UPB1: variants seen among roughly 807,000 people sequenced by gnomAD.
UPB1 encodes the protein beta-ureidopropionase.
UPB1 carries 40 observed loss-of-function variants against 49.1 expected under a neutral mutation model. That is an observed-to-expected ratio of 0.81 (90% CI 0.63 to 1.06). UPB1 has a LOEUF of 1.06. Among genes scored for constraint, UPB1 ranks in the 50% least tolerant of loss-of-function variants. UPB1 has a pLI of 0.00. For missense variants in UPB1, 499 were observed against 505.9 expected (o/e 0.99, Z 0.13); for synonymous variants, 207 against 198.2 (o/e 1.04, Z -0.38).
At chr22:24,520,092 A>G in intron 6 of UPB1, 1 of 480,764 alleles carries the variant, frequency 2.1e-6, no homozygotes, top group Non-Finnish European at 3.8e-6. Context: ...CAGGGCTGCT[A>G]ATTCTTCTGA....
rs577588509 is a variant in UPB1 at position 24,505,782 on chromosome 22, A to G, written c.364+3569A>G. On this transcript the variant is annotated intron_variant, in intron 3 of 9. Transcript: ENST00000326010. ...GGCTGGAGGGCAGTGGCGCGATCTC[A>G]GCTCACTGCAACCTCTGCCTCCTGG... Among the ~76,000 whole-genome samples the G allele has an allele frequency of 2.6e-5, 4 of 152,060 alleles. No individual in the cohort carries two copies. The East Asian group carries it at 5.8e-4, about 22-fold the overall frequency.
intron 4 of UPB1, among the ~76,000 whole-genome samples, chr22:24,511,619 T>TATATATA (rs140327): frequency 7.4e-5 from 7 of 95,176 alleles, no homozygotes; most frequent in African/African-American, 2.6e-4. Flanking sequence ...TATATATATA[T>TATATATA]TTTTTTTTTT....
At chr22:24,520,535 C>T (rs2044371172) in intron 7 of UPB1, 67 bp downstream of exon 7, 4 of 1,550,014 alleles carry the variant, frequency 2.6e-6, no homozygotes, top group Admixed American at 3.6e-5. Flanking sequence ...ACACCCCGTT[C>T]CCTCTGCACA....
chr22:24,522,575 G>A lies in UPB1; in HGVS notation c.916+547G>A, dbSNP rs1185104803. Among the ~76,000 whole-genome samples, 7 of 152,120 alleles carry A rather than the reference G, an allele frequency of 4.6e-5. No individual in the cohort carries two copies. The South Asian group carries it at 1.2e-3, about 27-fold the overall frequency. On this transcript the variant is annotated intron_variant, in intron 8 of 9. Coordinates refer to ENST00000326010, the MANE Select transcript of UPB1 (RefSeq NM_016327.3). ...GGTAGGGACTGCCCCCCTCACCAAG[G>A]AGGTATCTGAACCTTGGTGAGGTAG...
At chr22:24,516,552 G>A (rs1011084869) in intron 6 of UPB1, 1 of 152,256 alleles carries the variant, frequency 6.6e-6, no homozygotes, top group Non-Finnish European at 1.5e-5. Flanking sequence ...GGAGGTGCTG[G>A]CTTTCACTTT....
rs527497045 is a variant in UPB1 at position 24,505,272 on chromosome 22, C to A, written c.364+3059C>A. On this transcript the variant is annotated intron_variant, in intron 3 of 9. Coordinates refer to ENST00000326010, the MANE Select transcript of UPB1 (RefSeq NM_016327.3). ...TTGTTTTCTCTCTTATTCCAAGAGT[C>A]CTTATTCCAAGTTGGACGCTTTGTT... 5.3e-5 allele frequency among the ~76,000 whole-genome samples: 8 copies of A among 152,254 alleles called. No homozygotes were observed. The South Asian group carries it at 1.7e-3, about 32-fold the overall frequency.
In UPB1 at chr22:24,513,404, A is replaced by C; in HGVS notation, c.540A>C (p.Thr180=). Residue 180 remains threonine (T), a synonymous_variant, in exon 5 of 10, where the codon ACA becomes ACC. Transcript: ENST00000326010. ...AGCATGGGGATGTTTTGTGGAATAC[A>C]GCCGTGGTGATCTCCAATTCCGGAG... is the stretch of plus-strand genomic sequence containing the variant. ...DSEHGDVLWN[T]AVVISNSGAV... 1 of 1,614,246 alleles carries C rather than the reference A, an allele frequency of 6.2e-7. No individual in the cohort carries two copies. The highest frequency in any genetic ancestry group is 8.5e-7 in the Non-Finnish European group (1 of 1,180,040).
chr22:24,501,322 T>G (rs2043991119), intron 2 of UPB1, among the ~76,000 whole-genome samples: 2 of 152,206 alleles, frequency 1.3e-5, no homozygotes, highest in African/African-American at 4.8e-5. Context: ...GTTCCTTTGG[T>G]CTGTCTTTGA....
At position 24,510,856 on chromosome 22, in the gene UPB1, CG is replaced by C. The variant is rs761721158; in HGVS notation, c.459+15del. 2 of 1,613,908 alleles carry C rather than the reference CG, an allele frequency of 1.2e-6. No homozygotes were observed. The highest frequency in any genetic ancestry group is 1.7e-6 in the Non-Finnish European group (2 of 1,179,776). ...ATTCTGTCAGAAGGTAGGACATTAA[CG>C]GTGCCTCTGGCAGCAGCTGCCAAAT... is the stretch of plus-strand genomic sequence containing the variant. On this transcript the variant is annotated intron_variant, in intron 4 of 9. Coordinates refer to ENST00000326010, the MANE Select transcript of UPB1 (RefSeq NM_016327.3).
intron 4 of UPB1, among the ~76,000 whole-genome samples, chr22:24,512,260 A>C (rs1472491610): frequency 6.6e-6 from 1 of 152,176 alleles, no homozygotes; most frequent in Non-Finnish European, 1.5e-5. Flanking sequence ...AGAGTGTGAA[A>C]GAGAGCTGGT....
intron 7 of UPB1, 72 bp downstream of exon 7, chr22:24,520,540 T>A: frequency 2.6e-6 from 4 of 1,532,852 alleles, no homozygotes; most frequent in Non-Finnish European, 3.6e-6. Flanking sequence ...CCGTTCCCTC[T>A]GCACACATGC....
chr22:24,500,378 A>G, intron 2 of UPB1, 100 bp downstream of exon 2: 2 of 1,542,776 alleles, frequency 1.3e-6, no homozygotes, highest in Non-Finnish European at 1.8e-6. Flanking sequence ...CCGGGTCTGC[A>G]GGCTTGGGCG....
At chr22:24,521,039 A>C (rs557083855) in intron 7 of UPB1, among the ~76,000 whole-genome samples, 1 of 152,052 alleles carries the variant, frequency 6.6e-6, no homozygotes, top group East Asian at 1.9e-4. Flanking sequence ...AAAAATTAGC[A>C]GGGCAGGCTG....
chr22:24,516,309 C>T (rs189074992), intron 6 of UPB1, among the ~76,000 whole-genome samples: 11 of 152,238 alleles, frequency 7.2e-5, no homozygotes, highest in South Asian at 4.1e-4. Flanking sequence ...AGGGTGGCCC[C>T]GGAAGCCCGA....
At chr22:24,511,941 T>C (rs1218112253) in intron 4 of UPB1, among the ~76,000 whole-genome samples, 1 of 152,126 alleles carries the variant, frequency 6.6e-6, no homozygotes, top group Non-Finnish European at 1.5e-5. Context: ...AAAACTGTTA[T>C]CAGAAAACCC....
rs118023262 is a variant in UPB1 at position 24,504,182 on chromosome 22, G to A, written c.364+1969G>A. Among the ~76,000 whole-genome samples the A allele has an allele frequency of 8.5e-4, 130 of 152,346 alleles. 1 individual carries two copies. In the East Asian group the frequency reaches 0.01, roughly 12 times the overall value. Reference sequence around the variant, plus strand: ...TCCTGTTAGTGCTGGGTTGCCAACCGCTCTGGTACTGGAGCCCCCATTTAG... The same window carrying A: ...TCCTGTTAGTGCTGGGTTGCCAACCACTCTGGTACTGGAGCCCCCATTTAG... On this transcript the variant is annotated intron_variant, in intron 3 of 9. Transcript: ENST00000326010.
intron 3 of UPB1, among the ~76,000 whole-genome samples, chr22:24,504,090 G>GTC (rs2044042167): frequency 6.6e-6 from 1 of 152,204 alleles, no homozygotes; most frequent in South Asian, 2.1e-4. Flanking sequence ...GCATTAGGCT[G>GTC]TCCACCATGT....
intron 9 of UPB1, among the ~76,000 whole-genome samples, chr22:24,524,377 G>T (rs2044447835): frequency 1.3e-5 from 2 of 152,200 alleles, no homozygotes; most frequent in South Asian, 4.1e-4. Flanking sequence ...GAATGGAGAT[G>T]TCTGCCCTCC....
At chr22:24,522,117 C>G in intron 8 of UPB1, 89 bp downstream of exon 8, 1 of 1,453,532 alleles carries the variant, frequency 6.9e-7, no homozygotes, top group Non-Finnish European at 9.6e-7. Flanking sequence ...GGATCTGCCA[C>G]ACAGATCACA....
Sources: gnomAD v4.1 joint callset for allele counts (sites outside exome capture counted in the v4.1 genomes callset) on GRCh38, gnomAD v4.1.1 for gene constraint, MANE v1.5 for transcripts, NCBI Gene and HGNC (gene_info 2026-07-23, HGNC 2026-07-21) for gene names.